Variants in RBFOX1 observed in about 807,000 individuals in gnomAD.
The protein encoded by RBFOX1 is RNA binding protein fox-1 homolog 1.
A neutral mutation model predicts 57.7 loss-of-function variants in RBFOX1; 8 were observed. That is an observed-to-expected ratio of 0.14 (90% CI 0.08 to 0.25). The LOEUF is 0.25. Ranked by LOEUF, RBFOX1 falls within the 10% of genes least tolerant of loss-of-function variation. The pLI is 1.00. For missense variants in RBFOX1, 611 were observed against 548.5 expected (o/e 1.11, Z -1.14); for synonymous variants, 326 against 222.4 (o/e 1.47, Z -4.15).
chr16:5,950,939 A>T (rs1311858311), intron 4 of RBFOX1, among the ~76,000 whole-genome samples: 1 of 152,106 alleles, frequency 6.6e-6, no homozygotes, highest in Non-Finnish European at 1.5e-5. Context: ...ACCTACCCAA[A>T]GTTGTACAGT....
chr16:7,608,319 G>C (rs2056754271), intron 10 of RBFOX1, among the ~76,000 whole-genome samples: 1 of 152,120 alleles, frequency 6.6e-6, no homozygotes, highest in Admixed American at 6.5e-5. Flanking sequence ...AGAAAACTTA[G>C]CTACTCTGGC....
chr16:7,688,951 C>T (rs1039389423), intron 14 of RBFOX1, among the ~76,000 whole-genome samples: 1 of 152,116 alleles, frequency 6.6e-6, no homozygotes, highest in South Asian at 2.1e-4. Flanking sequence ...CGTGAATGTT[C>T]CAAGCAGAAC....
At chr16:7,071,259 A>G (rs963065796) in intron 4 of RBFOX1, among the ~76,000 whole-genome samples, 5 of 152,118 alleles carry the variant, frequency 3.3e-5, no homozygotes, top group Admixed American at 2.0e-4. Flanking sequence ...GGAGAATAGT[A>G]ATGTCTTGCT....
intron 3 of RBFOX1, among the ~76,000 whole-genome samples, chr16:6,900,662 C>T (rs1275021615): frequency 6.6e-6 from 1 of 152,168 alleles, no homozygotes; most frequent in Non-Finnish European, 1.5e-5. Flanking sequence ...TGACCTCGTC[C>T]CACCAACATC....
chr16:7,503,740 G>C (rs952172097), intron 4 of RBFOX1, among the ~76,000 whole-genome samples: 1 of 152,186 alleles, frequency 6.6e-6, no homozygotes. Flanking sequence ...AAATGCATCT[G>C]TCTGTTCTTT....
chr16:6,874,298 T>TCAGGAGTTTTGAGAC (rs2061443102), intron 3 of RBFOX1, among the ~76,000 whole-genome samples: 1 of 151,722 alleles, frequency 6.6e-6, no homozygotes, highest in African/African-American at 2.4e-5. Flanking sequence ...TAATCTGAGG[T>TCAGGAGTTTTGAGAC]CAGGAGTTTT....
At chr16:6,286,414 C>G (rs77427928) in intron 1 of RBFOX1, among the ~76,000 whole-genome samples, 3 of 152,350 alleles carry the variant, frequency 2.0e-5, no homozygotes, top group African/African-American at 7.2e-5. Flanking sequence ...GTCCTACAGC[C>G]TGGCTACCTT....
intron 3 of RBFOX1, among the ~76,000 whole-genome samples, chr16:6,926,858 CTT>C (rs1249316207): frequency 2.0e-5 from 3 of 152,070 alleles, no homozygotes; most frequent in Non-Finnish European, 2.9e-5. Context: ...CCACGTGACT[CTT>C]TTTATTTTTC....
intron 2 of RBFOX1, 28 bp from the exon 3 acceptor site, chr16:6,654,575 A>G (rs547631630): frequency 6.7e-7 from 1 of 1,493,338 alleles, no homozygotes; most frequent in Non-Finnish European, 8.9e-7. Flanking sequence ...TCTTTCTCTC[A>G]CTTTCCTTTC....
intron 1 of RBFOX1, among the ~76,000 whole-genome samples, chr16:5,393,815 C>T (rs556769912): frequency 6.6e-6 from 1 of 152,312 alleles, no homozygotes; most frequent in Admixed American, 6.5e-5. Flanking sequence ...CACCATCCAT[C>T]TCCAGAACTT....
chr16:6,310,945 C>G (rs185113762), intron 1 of RBFOX1, among the ~76,000 whole-genome samples: 2 of 148,652 alleles, frequency 1.3e-5, no homozygotes, highest in Non-Finnish European at 3.0e-5. Flanking sequence ...ACATAGGAAA[C>G]AAGTAGTGCA....
intron 5 of RBFOX1, among the ~76,000 whole-genome samples, chr16:7,521,986 C>A (rs1025585105): frequency 2.0e-5 from 3 of 152,176 alleles, no homozygotes; most frequent in Non-Finnish European, 4.4e-5. Context: ...CTCTTGGATT[C>A]ATCCCATATA....
chr16:6,163,721 T>A (rs2096895871), intron 1 of RBFOX1, among the ~76,000 whole-genome samples: 1 of 152,210 alleles, frequency 6.6e-6, no homozygotes. Flanking sequence ...AACCAGTGAT[T>A]TGTAAAAATG....
intron 3 of RBFOX1, among the ~76,000 whole-genome samples, chr16:6,702,938 C>A (rs35872948): frequency 0.088 from 13,419 of 152,182 alleles, 879 homozygotes; most frequent in African/African-American, 0.19. Context: ...CATGTCCTCC[C>A]AGCCTCTGGC....
At chr16:5,956,962 G>T (rs1212168358) in intron 4 of RBFOX1, among the ~76,000 whole-genome samples, 1 of 151,700 alleles carries the variant, frequency 6.6e-6, no homozygotes, top group African/African-American at 2.4e-5. Context: ...GAGCCACTGC[G>T]CCCAGCCTGC....
intron 1 of RBFOX1, among the ~76,000 whole-genome samples, chr16:5,374,984 G>T (rs2065948228): frequency 6.7e-6 from 1 of 148,584 alleles, no homozygotes; most frequent in South Asian, 2.1e-4. Flanking sequence ...AGGTGAAAGG[G>T]AAGAGAGACT....
intron 3 of RBFOX1, among the ~76,000 whole-genome samples, chr16:7,013,913 C>T (rs2093775212): frequency 6.6e-6 from 1 of 152,146 alleles, no homozygotes; most frequent in African/African-American, 2.4e-5. Context: ...CTGCCTCAGC[C>T]TCCCAAAGGG....
intron 3 of RBFOX1, among the ~76,000 whole-genome samples, chr16:5,827,092 A>T (rs1299886306): frequency 6.6e-6 from 1 of 152,138 alleles, no homozygotes; most frequent in Non-Finnish European, 1.5e-5. Flanking sequence ...TTCACACATG[A>T]GACCCTCCTT....
intron 4 of RBFOX1, among the ~76,000 whole-genome samples, chr16:7,199,947 A>G (rs930073539): frequency 6.6e-6 from 1 of 152,188 alleles, no homozygotes; most frequent in Non-Finnish European, 1.5e-5. Context: ...ATTAGACAAA[A>G]GAACAAACAA....
Sources: allele counts gnomAD v4.1 joint callset (sites outside exome capture counted in the v4.1 genomes callset), GRCh38; gene constraint gnomAD v4.1.1; transcripts MANE v1.5; gene names NCBI Gene and HGNC (gene_info 2026-07-23, HGNC 2026-07-21).